Variants in NUDC observed in about 807,000 individuals in gnomAD.
The protein encoded by NUDC is nuclear migration protein nudC.
In NUDC, 14 loss-of-function variants were observed where a neutral mutation model predicts 45.0. The ratio of observed to expected loss-of-function variants is 0.31; its 90% CI spans 0.21 to 0.49. The LOEUF (loss-of-function observed/expected upper bound fraction) is 0.49, where lower values mean the gene tolerates loss of function less well. Ranked by LOEUF, NUDC falls within the 20% of genes least tolerant of loss-of-function variation. The pLI, the probability that NUDC is intolerant of heterozygous loss-of-function variation, is 0.99. For synonymous variants in NUDC, 153 were observed against 156.7 expected, an observed-to-expected ratio of 0.98 and a Z score of 0.17; for missense variants, 323 against 426.2, an observed-to-expected ratio of 0.76 and a Z score of 2.13.
intron 6 of NUDC, 131 bp downstream of exon 6, chr1:26,943,196 A>G: frequency 1.0e-6 from 1 of 962,106 alleles, no homozygotes; most frequent in Non-Finnish European, 1.7e-6. Flanking sequence ...ACACTCTTTA[A>G]AGTAGATCTG....
rs1049859223 is a variant in NUDC at position 26,946,557 on chromosome 1, T to A, written c.*376T>A. 38 of 329,532 alleles carry A rather than the reference T, an allele frequency of 1.2e-4. No individual in the cohort carries two copies. Among genetic ancestry groups the A allele is most frequent in the Non-Finnish European group, 1.1e-4 (19 of 169,612 alleles). The allele number at this position is 329,532 out of a possible 1,614,324, so 20.4% of individuals were successfully genotyped here. Reference sequence around the variant, plus strand: ...CCTCAGTTTCTCATTACTTAAAGATTAAAACAAGGCTTGGCCGGGTGTGAT... The same window carrying A: ...CCTCAGTTTCTCATTACTTAAAGATAAAAACAAGGCTTGGCCGGGTGTGAT... On this transcript the variant is annotated 3_prime_UTR_variant, in exon 9 of 9. Coordinates refer to ENST00000321265, the MANE Select transcript of NUDC (RefSeq NM_006600.4).
chr1:26,940,677 C>T (rs1389877583), intron 2 of NUDC, among the ~76,000 whole-genome samples: 6 of 151,906 alleles, frequency 3.9e-5, no homozygotes, highest in Non-Finnish European at 7.4e-5. Flanking sequence ...CTTTAAACAG[C>T]GCCACTTTTT....
At chr1:26,909,768 G>T (rs1469163705) in intron 2 of NUDC, among the ~76,000 whole-genome samples, 1 of 152,092 alleles carries the variant, frequency 6.6e-6, no homozygotes, top group East Asian at 1.9e-4. Context: ...GATGGGGAGG[G>T]CAGGTCAGAG....
intron 1 of NUDC, chr1:26,922,398 C>T (rs2082099374): frequency 5.0e-6 from 1 of 200,036 alleles, no homozygotes; most frequent in South Asian, 6.9e-5. Context: ...GTTTCCACCA[C>T]CTACCAACTT....
intron 2 of NUDC, among the ~76,000 whole-genome samples, chr1:26,905,163 T>A (rs35185733): frequency 0.035 from 4,517 of 129,122 alleles, 208 homozygotes; most frequent in African/African-American, 0.11. Context: ...TATTATTTTT[T>A]TTTTTTTTTT....
intron 2 of NUDC, among the ~76,000 whole-genome samples, chr1:26,930,208 C>T (rs1449269099): frequency 6.6e-6 from 1 of 152,118 alleles, no homozygotes; most frequent in Non-Finnish European, 1.5e-5. Flanking sequence ...GCTCTGCTGC[C>T]CAGCCTGGAT....
intron 1 of NUDC, chr1:26,900,510 T>C (rs2081973037): frequency 3.7e-6 from 5 of 1,337,958 alleles, no homozygotes; most frequent in Non-Finnish European, 5.2e-6. Context: ...TTCCAGCCCC[T>C]GCGTTGCGAG....
intron 2 of NUDC, among the ~76,000 whole-genome samples, chr1:26,907,113 G>A (rs1413837417): frequency 1.3e-5 from 2 of 152,086 alleles, no homozygotes; most frequent in African/African-American, 4.8e-5. Context: ...CTCCTACCCT[G>A]GGCCCCACAC....
chr1:26,901,143 T>G (rs184943742), intron 1 of NUDC, among the ~76,000 whole-genome samples: 4 of 152,236 alleles, frequency 2.6e-5, no homozygotes, highest in Admixed American at 6.5e-5. Context: ...AAGCTACACA[T>G]CATTTGACTC....
intron 2 of NUDC, among the ~76,000 whole-genome samples, chr1:26,927,205 G>GTGTGTGTGTGTGTGTGTGTGTGTGTGTGT (rs1557673508): frequency 2.4e-5 from 3 of 124,634 alleles, no homozygotes; most frequent in Non-Finnish European, 5.1e-5. Context: ...TGTGTGTCAG[G>GTGTGTGTGTGTGTGTGTGTGTGTGTGTGT]GTCTTGCTCT....
rs1177585646 is a variant in NUDC, at chr1:26,900,278, C to G, written c.-223C>G. ...AGTTAGGAGCGGCCTGCGGAGGGGC[C>G]CGCTCAGGCCGATGCCGGTAGTGGA... is the stretch of plus-strand genomic sequence containing the variant. On this transcript the variant is annotated 5_prime_UTR_variant, in exon 1 of 7. Coordinates refer to the NUDC transcript ENST00000435827. The G allele has an allele frequency of 3.1e-6, 5 of 1,613,818 alleles. No homozygotes were observed. The African/African-American group carries it at 6.7e-5, about 22-fold the overall frequency.
At chr1:26,912,437 C>G (rs1026904769) in intron 3 of NUDC, among the ~76,000 whole-genome samples, 5 of 152,070 alleles carry the variant, frequency 3.3e-5, no homozygotes, top group African/African-American at 4.8e-5. Context: ...TTAATAGGAC[C>G]TGTCTCCTAG....
chr1:26,917,328 G>A (rs958282195), upstream of NUDC, among the ~76,000 whole-genome samples: 9 of 147,862 alleles, frequency 6.1e-5, no homozygotes, highest in Non-Finnish European at 1.2e-4. Flanking sequence ...TTGGGAGGCC[G>A]AGGCGGATGG....
Position 26,921,965 on chromosome 1 carries a change from C to T in NUDC, c.81+36C>T, listed in dbSNP as rs1324909312. On this transcript the variant is annotated intron_variant, in intron 1 of 8. Transcript: ENST00000321265. ...GCGCGGCGTCGGCCCACCCGGCGGCCTTGGCCACGCTCCTTCCGCCCTTCT... is the reference window on the plus strand; with the variant it reads ...GCGCGGCGTCGGCCCACCCGGCGGCTTTGGCCACGCTCCTTCCGCCCTTCT... 4 of 1,541,164 alleles carry T rather than the reference C, an allele frequency of 2.6e-6. No homozygotes were observed. In the South Asian group the frequency reaches 4.8e-5, roughly 18 times the overall value.
At chr1:26,945,236 G>T (rs1255799937) in intron 6 of NUDC, 154 bp from the exon 7 acceptor site, 12 of 687,978 alleles carry the variant, frequency 1.7e-5, no homozygotes, top group Admixed American at 1.3e-4. Context: ...GCTGCAGGAA[G>T]GGCACAGTCT....
chr1:26,913,662 G>T, intron 3 of NUDC: 1 of 1,613,710 alleles, frequency 6.2e-7, no homozygotes, highest in Non-Finnish European at 8.5e-7. Context: ...GGAAGAGGGG[G>T]CCCCAGCAAC....
At chr1:26,943,315 C>T (rs1316312978) in intron 6 of NUDC, among the ~76,000 whole-genome samples, 2 of 152,150 alleles carry the variant, frequency 1.3e-5, no homozygotes, top group Non-Finnish European at 2.9e-5. Context: ...CCAAGCAATT[C>T]TCTCGCCTCG....
intron 1 of NUDC, 121 bp downstream of exon 1, chr1:26,922,050 T>G (rs2082095937): frequency 2.0e-6 from 2 of 1,005,410 alleles, no homozygotes; most frequent in Non-Finnish European, 3.0e-6. Context: ...TGCCCCTACA[T>G]TCTCACTGCG....
intron 2 of NUDC, among the ~76,000 whole-genome samples, chr1:26,938,849 TATGGGTTGGC>T (rs960684417): frequency 6.6e-6 from 1 of 152,164 alleles, no homozygotes; most frequent in Non-Finnish European, 1.5e-5. Context: ...GCACACTGTG[TATGGGTTGGC>T]ATTGAGTTGA....
Sources: gnomAD v4.1 joint callset for allele counts (sites outside exome capture counted in the v4.1 genomes callset) on GRCh38, gnomAD v4.1.1 for gene constraint, MANE v1.5 for transcripts, NCBI Gene and HGNC (gene_info 2026-07-23, HGNC 2026-07-21) for gene names.